CACYBP: variants seen among roughly 807,000 people sequenced by gnomAD.
CACYBP encodes the protein calcyclin binding protein.
In CACYBP, 11 loss-of-function variants were observed where a neutral mutation model predicts 29.6. The observed-to-expected ratio is 0.37, with a 90% CI of 0.23 to 0.61. The LOEUF (loss-of-function observed/expected upper bound fraction) is 0.61, where lower values mean the gene tolerates loss of function less well. Ranked by LOEUF, CACYBP falls within the 20% of genes least tolerant of loss-of-function variation. The probability of loss-of-function intolerance (pLI) is 0.65; values close to 1 mark genes in which losing one functional copy is unlikely to be tolerated. For missense variants in CACYBP, 163 were observed against 260.7 expected, an observed-to-expected ratio of 0.63 and a Z score of 2.58; for synonymous variants, 73 against 88.3, an observed-to-expected ratio of 0.83 and a Z score of 0.97.
chr1:175,002,342 C>T (rs1672513237), intron 1 of CACYBP, among the ~76,000 whole-genome samples: 1 of 152,038 alleles, frequency 6.6e-6, no homozygotes, highest in Non-Finnish European at 1.5e-5. Context: ...TGTGAAGTGG[C>T]ATCTTGGGAA....
chr1:175,008,463 G>T, intron 4 of CACYBP, 146 bp from the exon 5 acceptor site: 8 of 497,858 alleles, frequency 1.6e-5, no homozygotes, highest in South Asian at 6.9e-5. Context: ...TTCAGATTTT[G>T]GCCTATTCAT....
Position 175,000,174 on chromosome 1 carries a change from A to C in CACYBP, c.-7A>C. On this transcript the variant is annotated 5_prime_UTR_variant, in exon 1 of 6. Coordinates refer to ENST00000367679, the MANE Select transcript of CACYBP (RefSeq NM_014412.3). ...GCAGCTCGGGACTTCGGCCTGACCC[A>C]GCCCCCATGGCTTCAGAAGAGGTAA... is the stretch of plus-strand genomic sequence containing the variant. 1 of 1,607,802 alleles carries C rather than the reference A, an allele frequency of 6.2e-7. No homozygotes were observed. Among genetic ancestry groups the C allele is most frequent in the Admixed American group, 1.7e-5 (1 of 59,428 alleles).
chr1:175,001,391 T>C (rs1672486499), intron 1 of CACYBP, among the ~76,000 whole-genome samples: 1 of 152,268 alleles, frequency 6.6e-6, no homozygotes, highest in South Asian at 2.1e-4. Context: ...TGTTTAAATA[T>C]ATTCACAGTG....
intron 4 of CACYBP, among the ~76,000 whole-genome samples, chr1:175,008,072 C>G (rs1672660057): frequency 6.6e-6 from 1 of 152,190 alleles, no homozygotes; most frequent in African/African-American, 2.4e-5. Context: ...TAGTATTGAT[C>G]ATTGTTTAAA....
At position 175,004,671 on chromosome 1, in the gene CACYBP, G is replaced by A; in HGVS notation, c.73G>A (p.Val25Ile). ...GCTGGAAAAGGCTACTAGGAAAAGAGTACGTGATGCCCTTACAGCTGAAAA... is the reference window on the plus strand; with the variant it reads ...GCTGGAAAAGGCTACTAGGAAAAGAATACGTGATGCCCTTACAGCTGAAAA... Reference protein sequence around the residue: ...VLLEKATRKRVRDALTAEKSK... With the variant: ...VLLEKATRKRIRDALTAEKSK... Residue 25 changes from valine to isoleucine, a missense_variant, in exon 2 of 6, where the codon GTA (valine) becomes ATA (isoleucine). Coordinates refer to ENST00000367679, the MANE Select transcript of CACYBP (RefSeq NM_014412.3). 1 of 1,613,910 alleles carries A rather than the reference G, an allele frequency of 6.2e-7. No homozygotes were observed. Among genetic ancestry groups the A allele is most frequent in the South Asian group, 1.1e-5 (1 of 91,056 alleles).
chr1:175,001,820 C>G (rs919875594), intron 1 of CACYBP, among the ~76,000 whole-genome samples: 1 of 152,216 alleles, frequency 6.6e-6, no homozygotes, highest in Non-Finnish European at 1.5e-5. Flanking sequence ...CGGCTCACTG[C>G]AATCTCCGTC....
chr1:175,010,621 A>AT lies in CACYBP; in HGVS notation c.*543dup, dbSNP rs1553305457. On this transcript the variant is annotated 3_prime_UTR_variant, in exon 6 of 6. Transcript: ENST00000367679. ...CAGGTGTTTCTATCTAGATTTAAAT[A>AT]TATTTGTCAATGAATGTGGAATAGA... 6.6e-6 allele frequency: 1 copy of AT among 152,254 alleles called. No individual in the cohort carries two copies. Among genetic ancestry groups the AT allele is most frequent in the Non-Finnish European group, 1.5e-5 (1 of 68,072 alleles). The allele number at this position is 152,254 out of a possible 1,614,324, so 9.4% of individuals were successfully genotyped here. A position where few individuals can be genotyped will look rare whatever the true frequency, so the allele number is the denominator to read the frequency against.
At chr1:175,001,813 C>G (rs937428633) in intron 1 of CACYBP, among the ~76,000 whole-genome samples, 6 of 152,238 alleles carry the variant, frequency 3.9e-5, no homozygotes, top group African/African-American at 1.4e-4. Context: ...GCAATCTCGG[C>G]TCACTGCAAT....
chr1:175,002,808 A>G (rs1672524917), intron 1 of CACYBP, among the ~76,000 whole-genome samples: 1 of 152,220 alleles, frequency 6.6e-6, no homozygotes, highest in Non-Finnish European at 1.5e-5. Context: ...GAATTCAGCC[A>G]TTGGGGGAAT....
chr1:175,010,065 G>T lies in CACYBP; in HGVS notation c.673G>T (p.Asp225Tyr). 6.2e-7 allele frequency: 1 copy of T among 1,612,758 alleles called. No homozygotes were observed. Among genetic ancestry groups the T allele is most frequent in the South Asian group, 1.1e-5 (1 of 90,802 alleles). Residue 225 changes from aspartate (D) to tyrosine (Y), a missense_variant, in exon 6 of 6, where the codon GAC (aspartate) becomes TAC (tyrosine). Coordinates refer to ENST00000367679, the MANE Select transcript of CACYBP (RefSeq NM_014412.3). ...ATCAAGAGAGAAGCAAGCCAAAGGA[G>T]ACACGGAATTTTGAGACTTTAAAGT... ...VESREKQAKG[D>Y]TEF
chr1:175,004,946 C>T, intron 2 of CACYBP, 113 bp downstream of exon 2: 4 of 762,788 alleles, frequency 5.2e-6, no homozygotes, highest in Middle Eastern at 2.3e-4. Flanking sequence ...TGGTTTGGAG[C>T]AAGACCCATC....
chr1:175,008,445 C>G (rs1289596112), intron 4 of CACYBP, among the ~76,000 whole-genome samples, 164 bp from the exon 5 acceptor site: 1 of 152,094 alleles, frequency 6.6e-6, no homozygotes, highest in Admixed American at 6.5e-5. Context: ...CTTTTCACAC[C>G]ATGAATGTTC....
intron 2 of CACYBP, chr1:175,006,458 C>G (rs1460781519): frequency 4.4e-6 from 1 of 227,550 alleles, no homozygotes; most frequent in Non-Finnish European, 8.5e-6. Context: ...ATTTAGTGAT[C>G]ATATTTTTAT....
chr1:175,005,050 TAAC>T (rs1265518972), intron 2 of CACYBP: 33 of 559,082 alleles, frequency 5.9e-5, no homozygotes, highest in South Asian at 3.3e-4. Context: ...CTACAAAATG[TAAC>T]AACAAGGAAG....
In CACYBP at chr1:175,008,830, C is replaced by T. The variant is rs527487244; in HGVS notation, c.530+124C>T. 63 of 638,746 alleles carry T rather than the reference C, an allele frequency of 9.9e-5. No individual in the cohort carries two copies. In the Admixed American group the frequency reaches 1.1e-3, roughly 11 times the overall value. 39.6% of individuals were successfully genotyped at this position (638,746 alleles called of 1,614,324 possible). On this transcript the variant is annotated intron_variant, in intron 5 of 5. Coordinates refer to ENST00000367679, the MANE Select transcript of CACYBP (RefSeq NM_014412.3). ...ACTGTCAAACTACCTGAAGAGGGCA[C>T]GTCCAGCAAGTTGCTTTTTAAGGTC...
chr1:175,009,453 C>G (rs1326635621), intron 5 of CACYBP, among the ~76,000 whole-genome samples: 1 of 151,866 alleles, frequency 6.6e-6, no homozygotes, highest in Non-Finnish European at 1.5e-5. Flanking sequence ...TGAGACCAGC[C>G]TGGCCAACAT....
In CACYBP at chr1:175,010,016, A is replaced by G; in HGVS notation, c.624A>G (p.Arg208=). 6.2e-7 allele frequency: 1 copy of G among 1,613,820 alleles called. No individual in the cohort carries two copies. The highest frequency in any genetic ancestry group is 8.5e-7 in the Non-Finnish European group (1 of 1,179,768). The change falls in exon 6 of 6, where the codon CGA becomes CGG. Residue 208 remains arginine, a synonymous_variant. Transcript: ENST00000367679. ...IYEDGDDDMK[R]TINKAWVESR... ...AAGATGGAGACGATGATATGAAGCG[A>G]ACCATTAATAAAGCCTGGGTGGAAT...
chr1:175,005,383 C>T lies in CACYBP; in HGVS notation c.235+550C>T, dbSNP rs80171905. Among the ~76,000 whole-genome samples the T allele has an allele frequency of 6.9e-3, 1,053 of 152,156 alleles. 12 individuals carry two copies. Among genetic ancestry groups the T allele is most frequent in the African/African-American group, 0.024 (1,016 of 41,484 alleles). ...ATACAGTTTTTTGTTTTGGCGGCAG[C>T]GCAACTTGAATATGAATGATGAGCT... On this transcript the variant is annotated intron_variant, in intron 2 of 5. Coordinates refer to ENST00000367679, the MANE Select transcript of CACYBP (RefSeq NM_014412.3).
chr1:175,005,101 T>G (rs1312325560), intron 2 of CACYBP: 6 of 423,308 alleles, frequency 1.4e-5, no homozygotes, highest in South Asian at 5.1e-5. Context: ...AGACACAGCT[T>G]TGGTGGTGGT....
Sources: gnomAD v4.1 joint callset for allele counts (sites outside exome capture counted in the v4.1 genomes callset) on GRCh38, gnomAD v4.1.1 for gene constraint, MANE v1.5 for transcripts, NCBI Gene and HGNC (gene_info 2026-07-23, HGNC 2026-07-21) for gene names.